The following IQSEC3 variants were observed in gnomAD, a reference collection of about 807,000 sequenced individuals.
IQSEC3 encodes the protein IQ motif and SEC7 domain-containing protein 3.
Under a neutral mutation model 105.4 loss-of-function variants are expected in IQSEC3, and 50 were observed. That is an observed-to-expected ratio of 0.47 (90% CI 0.38 to 0.60). IQSEC3 has a LOEUF of 0.60. IQSEC3 is among the 20% of genes least tolerant of loss of function. The probability of loss-of-function intolerance (pLI) is 0.00; values close to 1 mark genes in which losing one functional copy is unlikely to be tolerated. For synonymous variants in IQSEC3, 708 were observed against 746.0 expected (o/e 0.95, Z 0.83); for missense variants, 1,415 against 1,630.0 (o/e 0.87, Z 2.27).
At chr12:114,090 G>A (rs1864977840) in intron 2 of IQSEC3, among the ~76,000 whole-genome samples, 1 of 152,290 alleles carries the variant, frequency 6.6e-6, no homozygotes, top group Non-Finnish European at 1.5e-5. Context: ...TAGGGTGTTT[G>A]GCAGGATTAA....
Position 157,028 on chromosome 12 carries a change from C to A in IQSEC3, c.2157C>A (p.Cys719Ter). The change falls in exon 6 of 14, where the codon TGC becomes TGA. Residue 719 changes from cysteine (C) to a stop codon, truncating the protein, a stop_gained. Coordinates refer to ENST00000538872, the MANE Select transcript of IQSEC3 (RefSeq NM_001170738.2). LOFTEE classifies it high-confidence loss of function. ...KKQFNRDVLD[C>*]VVDEMDFSSM... ...CACCCTCCCTGCCTGCCCTCAGCTGCGTGGTGGACGAGATGGACTTCTCCA... is the reference window on the plus strand; with the variant it reads ...CACCCTCCCTGCCTGCCCTCAGCTGAGTGGTGGACGAGATGGACTTCTCCA... The A allele has an allele frequency of 6.3e-7, 1 of 1,598,746 alleles. No homozygotes were observed. Among genetic ancestry groups the A allele is most frequent in the Non-Finnish European group, 8.5e-7 (1 of 1,171,870 alleles).
chr12:117,381 C>G (rs1670663776), intron 2 of IQSEC3, among the ~76,000 whole-genome samples: 1 of 152,232 alleles, frequency 6.6e-6, no homozygotes, highest in Non-Finnish European at 1.5e-5. Context: ...GTAAAATGCT[C>G]AAAGACAGTA....
At chr12:90,103 A>T (rs528079030) in intron 1 of IQSEC3, among the ~76,000 whole-genome samples, 81 of 152,336 alleles carry the variant, frequency 5.3e-4, no homozygotes, top group Non-Finnish European at 1.0e-3. Context: ...CACAGATTTT[A>T]TTCATTCTAG....
At chr12:111,019 G>A (rs1429874913) in intron 2 of IQSEC3, among the ~76,000 whole-genome samples, 6 of 152,036 alleles carry the variant, frequency 3.9e-5, no homozygotes, top group African/African-American at 1.2e-4. Flanking sequence ...CTCTTCCTCC[G>A]ACCTTCTTGC....
intron 1 of IQSEC3, among the ~76,000 whole-genome samples, chr12:74,084 C>T (rs566649805): frequency 1.3e-5 from 2 of 152,300 alleles, no homozygotes; most frequent in African/African-American, 4.8e-5. Flanking sequence ...AAATTACAGT[C>T]TCATCTAGGA....
At chr12:150,451 A>G (rs1177650665) in intron 5 of IQSEC3, among the ~76,000 whole-genome samples, 1 of 152,212 alleles carries the variant, frequency 6.6e-6, no homozygotes, top group African/African-American at 2.4e-5. Context: ...CCACCTGGAC[A>G]GTGGTTGTTG....
chr12:71,096 CT>C (rs1209533181), intron 1 of IQSEC3, among the ~76,000 whole-genome samples: 1 of 152,272 alleles, frequency 6.6e-6, no homozygotes, highest in Non-Finnish European at 1.5e-5. Context: ...TCTTGAGTAT[CT>C]TTTGAGCTCC....
intron 2 of IQSEC3, among the ~76,000 whole-genome samples, chr12:121,552 TTTCGCTG>T (rs1375556492): frequency 6.6e-6 from 1 of 152,186 alleles, no homozygotes; most frequent in African/African-American, 2.4e-5. Context: ...ACCAAGGCCC[TTTCGCTG>T]TTTGCTGCTC....
chr12:106,026 T>C (rs1864636496), intron 2 of IQSEC3, among the ~76,000 whole-genome samples: 1 of 152,204 alleles, frequency 6.6e-6, no homozygotes, highest in African/African-American at 2.4e-5. Context: ...TAACTCTGTG[T>C]CGGTTTTGTG....
At chr12:84,061 C>G (rs1346396525) in intron 1 of IQSEC3, among the ~76,000 whole-genome samples, 1 of 152,170 alleles carries the variant, frequency 6.6e-6, no homozygotes, top group Non-Finnish European at 1.5e-5. Flanking sequence ...CCTCTTACAC[C>G]CTGGCATAGC....
chr12:150,894 G>T (rs192880037), intron 5 of IQSEC3, among the ~76,000 whole-genome samples: 3 of 151,700 alleles, frequency 2.0e-5, no homozygotes, highest in African/African-American at 7.3e-5. Flanking sequence ...GAGGGGAGGC[G>T]TGGTAGCTAT....
chr12:99,148 A>G lies in IQSEC3; in HGVS notation c.557A>G (p.Asn186Ser), dbSNP rs782386736. The change falls in exon 2 of 14, where the codon AAT (asparagine) becomes AGT (serine). Residue 186 changes from asparagine to serine, a missense_variant and splice_region_variant. This residue lies in a region of IQSEC3 where 720 missense variants were observed against 633.0 expected (regional missense o/e 1.14). Transcript: ENST00000538872. Reference protein sequence around the residue: ...GKGVLSRRPENETVLHQFCCP... With the variant: ...GKGVLSRRPESETVLHQFCCP... ...ATCTCCCTCTGCTCTGCCCGCAGGAATGAGACCGTGCTGCACCAGTTCTGC... is the reference window on the plus strand; with the variant it reads ...ATCTCCCTCTGCTCTGCCCGCAGGAGTGAGACCGTGCTGCACCAGTTCTGC... 6.1e-5 allele frequency: 98 copies of G among 1,598,516 alleles called. No individual in the cohort carries two copies. Among genetic ancestry groups the G allele is most frequent in the Non-Finnish European group, 8.2e-5 (97 of 1,179,592 alleles).
chr12:162,568 G>C (rs1555096601), intron 8 of IQSEC3, among the ~76,000 whole-genome samples: 1 of 152,206 alleles, frequency 6.6e-6, no homozygotes. Flanking sequence ...ATACTATAAA[G>C]GATGTCATGG....
At chr12:107,768 C>T (rs537224494) in intron 2 of IQSEC3, among the ~76,000 whole-genome samples, 1 of 152,274 alleles carries the variant, frequency 6.6e-6, no homozygotes, top group Admixed American at 6.5e-5. Context: ...ATAACACCCA[C>T]ACACTTGTTT....
intron 13 of IQSEC3, 57 bp downstream of exon 13, chr12:171,218 C>G: frequency 6.2e-7 from 1 of 1,613,754 alleles, no homozygotes. Context: ...TGTTCTTCTT[C>G]TCACCGTCTC....
chr12:76,573 C>T (rs1330106814), intron 1 of IQSEC3, among the ~76,000 whole-genome samples: 2 of 152,276 alleles, frequency 1.3e-5, no homozygotes, highest in Non-Finnish European at 2.9e-5. Flanking sequence ...AGTGTTTCAT[C>T]TCCATTGGCT....
Position 107,600 on chromosome 12 carries a change from C to T in IQSEC3, c.623+8386C>T, listed in dbSNP as rs558213810. Among the ~76,000 whole-genome samples the T allele has an allele frequency of 9.0e-4, 137 of 151,710 alleles. 1 individual carries two copies. Among genetic ancestry groups the T allele is most frequent in the South Asian group, 9.0e-3 (43 of 4,782 alleles). On this transcript the variant is annotated intron_variant, in intron 2 of 13. Coordinates refer to ENST00000538872, the MANE Select transcript of IQSEC3 (RefSeq NM_001170738.2). ...AATTTTTTTGTATTTTTAGTAGAGA[C>T]GGGGTTTCACTGTGTTAGCCAGGAT...
chr12:173,227 G>A (rs553638480), intron 13 of IQSEC3, among the ~76,000 whole-genome samples: 2 of 152,352 alleles, frequency 1.3e-5, no homozygotes, highest in South Asian at 4.1e-4. Flanking sequence ...AGGACAGTGA[G>A]GGGCTCAGGG....
intron 2 of IQSEC3, among the ~76,000 whole-genome samples, chr12:104,428 C>A (rs1444312576): frequency 6.6e-6 from 1 of 152,096 alleles, no homozygotes; most frequent in African/African-American, 2.4e-5. Context: ...GTGGAAAATA[C>A]AAAATATAAA....
Sources: gnomAD v4.1 joint callset for allele counts (sites outside exome capture counted in the v4.1 genomes callset) on GRCh38, gnomAD v4.1.1 for gene constraint, gnomAD v4.1.1 regional missense constraint, MANE v1.5 for transcripts, NCBI Gene and HGNC (gene_info 2026-07-23, HGNC 2026-07-21) for gene names.